Variants in NOL4 observed in about 807,000 individuals in gnomAD.
The protein encoded by NOL4 is cancer/testis antigen 125.
In NOL4, 17 loss-of-function variants were observed where a neutral mutation model predicts 75.9. The ratio of observed to expected loss-of-function variants is 0.22; its 90% CI spans 0.15 to 0.34. The LOEUF is 0.34. NOL4 is among the 10% of genes least tolerant of loss of function. NOL4 has a pLI of 1.00. For synonymous variants in NOL4, 292 were observed against 289.9 expected, an observed-to-expected ratio of 1.01 and a Z score of -0.07; for missense variants, 614 against 793.5, an observed-to-expected ratio of 0.77 and a Z score of 2.72.
intron 6 of NOL4, among the ~76,000 whole-genome samples, chr18:33,963,213 G>T (rs760827489): frequency 1.3e-5 from 2 of 152,098 alleles, no homozygotes; most frequent in Non-Finnish European, 2.9e-5. Context: ...ATATTAATTT[G>T]CATTTTTCTT....
intron 9 of NOL4, among the ~76,000 whole-genome samples, chr18:33,926,371 A>G (rs1321820383): frequency 1.3e-4 from 20 of 150,650 alleles, no homozygotes; most frequent in African/African-American, 4.6e-4. Flanking sequence ...AAAAAAAAAA[A>G]AAAAAAAAAA....
intron 1 of NOL4, among the ~76,000 whole-genome samples, chr18:34,208,167 T>C (rs1408296539): frequency 6.6e-6 from 1 of 152,194 alleles, no homozygotes; most frequent in East Asian, 1.9e-4. Context: ...TGCTGTGTAC[T>C]TGCAGTTGAC....
chr18:33,951,506 A>G (rs1757432990), intron 8 of NOL4, among the ~76,000 whole-genome samples: 1 of 152,092 alleles, frequency 6.6e-6, no homozygotes, highest in South Asian at 2.1e-4. Context: ...TGTTATTAGG[A>G]TTGAGGTCCA....
intron 9 of NOL4, among the ~76,000 whole-genome samples, chr18:33,923,223 A>G (rs1279554859): frequency 6.6e-6 from 1 of 152,116 alleles, no homozygotes; most frequent in East Asian, 1.9e-4. Flanking sequence ...TCATAATGTC[A>G]TAAGGTCATG....
intron 1 of NOL4, among the ~76,000 whole-genome samples, chr18:34,167,275 G>A (rs2032492347): frequency 6.6e-6 from 1 of 151,724 alleles, no homozygotes; most frequent in African/African-American, 2.4e-5. Flanking sequence ...GGATACCAAG[G>A]GAATACCGTA....
At chr18:34,006,689 T>C (rs1409396763) in intron 6 of NOL4, among the ~76,000 whole-genome samples, 1 of 152,056 alleles carries the variant, frequency 6.6e-6, no homozygotes, top group Non-Finnish European at 1.5e-5. Flanking sequence ...GGACTCAATT[T>C]ACAGCAAAAT....
intron 9 of NOL4, among the ~76,000 whole-genome samples, chr18:33,889,201 C>A (rs938349002): frequency 6.6e-6 from 1 of 151,960 alleles, no homozygotes; most frequent in African/African-American, 2.4e-5. Context: ...ACCACTGATC[C>A]CACAGAAATA....
intron 4 of NOL4, among the ~76,000 whole-genome samples, chr18:34,094,707 G>A (rs559408520): frequency 1.2e-4 from 19 of 152,250 alleles, no homozygotes; most frequent in South Asian, 2.1e-4. Context: ...TGATCTGAAC[G>A]TTTAACACGA....
intron 9 of NOL4, among the ~76,000 whole-genome samples, chr18:33,939,846 T>C (rs373640492): frequency 5.3e-5 from 8 of 152,158 alleles, no homozygotes; most frequent in Middle Eastern, 3.4e-3. Flanking sequence ...CCTTGTCTTG[T>C]GCTGGTTTTC....
In NOL4 at chr18:34,093,517, G is replaced by A. The variant is rs1459674085; in HGVS notation, c.720C>T (p.Ser240=). ...RMSAVNSDLS[S]NLEERMQSPQ... ...GACTTTGCATTCTTTCTTCAAGATT[G>A]GAGCTAAGATCAGAGTTCACAGCTG... The change falls in exon 5 of 11, where the codon TCC becomes TCT. Residue 240 remains serine (S), a synonymous_variant. Coordinates refer to ENST00000261592, the MANE Select transcript of NOL4 (RefSeq NM_003787.5). The A allele has an allele frequency of 1.9e-6, 3 of 1,607,978 alleles. No individual in the cohort carries two copies. Among genetic ancestry groups the A allele is most frequent in the Admixed American group, 1.7e-5 (1 of 59,504 alleles).
chr18:33,869,689 A>G (rs994959214), intron 10 of NOL4, among the ~76,000 whole-genome samples: 2 of 152,082 alleles, frequency 1.3e-5, no homozygotes, highest in Non-Finnish European at 2.9e-5. Flanking sequence ...CTCATATGAA[A>G]TATAGAGTAT....
chr18:34,163,088 T>A (rs2031774397), intron 1 of NOL4, among the ~76,000 whole-genome samples: 1 of 152,252 alleles, frequency 6.6e-6, no homozygotes, highest in South Asian at 2.1e-4. Context: ...ATGGGACATA[T>A]CTCAAAATAA....
intron 10 of NOL4, among the ~76,000 whole-genome samples, chr18:33,882,452 A>G (rs2144671835): frequency 1.3e-5 from 2 of 152,246 alleles, no homozygotes; most frequent in Non-Finnish European, 2.9e-5. Flanking sequence ...AACACATGAA[A>G]AAATGCTCAT....
At chr18:34,095,900 ATAAG>A (rs762849499) in intron 4 of NOL4, among the ~76,000 whole-genome samples, 41 of 152,244 alleles carry the variant, frequency 2.7e-4, no homozygotes, top group Admixed American at 5.2e-4. Context: ...AAAGCTAACT[ATAAG>A]TAATCTAGTA....
intron 5 of NOL4, among the ~76,000 whole-genome samples, chr18:34,081,417 T>C (rs2078006122): frequency 6.6e-6 from 1 of 152,162 alleles, no homozygotes; most frequent in African/African-American, 2.4e-5. Flanking sequence ...TTGAAATGAC[T>C]ATCACTATTA....
At chr18:33,928,270 C>T (rs965675846) in intron 9 of NOL4, among the ~76,000 whole-genome samples, 1 of 152,074 alleles carries the variant, frequency 6.6e-6, no homozygotes, top group African/African-American at 2.4e-5. Flanking sequence ...ATATTTCTGT[C>T]GTAATTTAAA....
At chr18:34,180,663 G>A (rs1279870040) in intron 1 of NOL4, among the ~76,000 whole-genome samples, 2 of 151,276 alleles carry the variant, frequency 1.3e-5, no homozygotes, top group Non-Finnish European at 3.0e-5. Flanking sequence ...AAAAGAGGAA[G>A]TATATAACTA....
At chr18:33,903,401 G>T (rs1367727322) in intron 9 of NOL4, among the ~76,000 whole-genome samples, 1 of 152,060 alleles carries the variant, frequency 6.6e-6, no homozygotes, top group Non-Finnish European at 1.5e-5. Context: ...TTTGAGTGGG[G>T]ACAGAGAACC....
intron 1 of NOL4, among the ~76,000 whole-genome samples, chr18:34,189,580 T>C (rs1216585614): frequency 6.6e-6 from 1 of 152,150 alleles, no homozygotes. Flanking sequence ...TCCCTATTAA[T>C]GAAAAAGTTA....
Sources: allele counts gnomAD v4.1 joint callset (sites outside exome capture counted in the v4.1 genomes callset), GRCh38; gene constraint gnomAD v4.1.1; transcripts MANE v1.5; gene names NCBI Gene and HGNC (gene_info 2026-07-23, HGNC 2026-07-21).